SLC25A21: variants seen among roughly 807,000 people sequenced by gnomAD.
The protein encoded by SLC25A21 is solute carrier family 25 member 21, also known as mitochondrial 2-oxodicarboxylate carrier.
A neutral mutation model predicts 43.8 loss-of-function variants in SLC25A21; 47 were observed. The ratio of observed to expected loss-of-function variants is 1.07; its 90% CI spans 0.85 to 1.37. SLC25A21 has a LOEUF of 1.37. Among genes scored for constraint, SLC25A21 ranks in the 40% most tolerant of loss-of-function variants. SLC25A21 has a pLI of 0.00. For synonymous variants in SLC25A21, 131 were observed against 121.3 expected, an observed-to-expected ratio of 1.08 and a Z score of -0.52; for missense variants, 352 against 350.2, an observed-to-expected ratio of 1.00 and a Z score of -0.04.
chr14:37,067,342 A>C (rs1280681232), intron 1 of SLC25A21, among the ~76,000 whole-genome samples: 1 of 152,202 alleles, frequency 6.6e-6, no homozygotes, highest in Non-Finnish European at 1.5e-5. Context: ...CATCAGTTTG[A>C]CAGCTGACTT....
At chr14:37,030,169 T>C (rs892418288) in intron 1 of SLC25A21, among the ~76,000 whole-genome samples, 1 of 152,176 alleles carries the variant, frequency 6.6e-6, no homozygotes, top group African/African-American at 2.4e-5. Flanking sequence ...AGGAAAATCA[T>C]AAGAAAGAGA....
At chr14:36,948,523 G>C (rs953404195) in intron 1 of SLC25A21, among the ~76,000 whole-genome samples, 4 of 152,116 alleles carry the variant, frequency 2.6e-5, no homozygotes, top group Non-Finnish European at 5.9e-5. Context: ...TGAAGATAAT[G>C]AAAGTAAAAA....
intron 3 of SLC25A21, among the ~76,000 whole-genome samples, chr14:36,766,172 A>G (rs1886408934): frequency 6.6e-6 from 1 of 152,022 alleles, no homozygotes; most frequent in Non-Finnish European, 1.5e-5. Flanking sequence ...AGTTTTTCTT[A>G]TTGTGGTTGC....
chr14:37,060,477 G>C (rs10136238), intron 1 of SLC25A21, among the ~76,000 whole-genome samples: 31,891 of 150,616 alleles, frequency 0.21, 7,811 homozygotes, highest in African/African-American at 0.6. Context: ...GAATTAAAAG[G>C]AGAAGTTGAA....
chr14:36,810,582 A>G (rs1888205347), intron 3 of SLC25A21, among the ~76,000 whole-genome samples: 1 of 152,202 alleles, frequency 6.6e-6, no homozygotes, highest in Admixed American at 6.5e-5. Context: ...TGACCTCAAA[A>G]TATTTAATCA....
At chr14:37,051,066 G>T (rs1340365421) in intron 1 of SLC25A21, among the ~76,000 whole-genome samples, 3 of 152,006 alleles carry the variant, frequency 2.0e-5, no homozygotes, top group Admixed American at 6.6e-5. Context: ...AAATGACTTT[G>T]TTCATGTATT....
At chr14:36,839,981 T>C (rs1285120577) in intron 2 of SLC25A21, among the ~76,000 whole-genome samples, 1 of 152,228 alleles carries the variant, frequency 6.6e-6, no homozygotes, top group Non-Finnish European at 1.5e-5. Context: ...AAACATTGCA[T>C]GACTGTAGCT....
intron 1 of SLC25A21, among the ~76,000 whole-genome samples, chr14:37,012,773 C>A (rs1043601964): frequency 2.6e-5 from 4 of 152,202 alleles, no homozygotes; most frequent in Admixed American, 1.3e-4. Context: ...ACTTAGGACA[C>A]TCAGTGTAGA....
chr14:37,145,532 G>T (rs1963650480), intron 1 of SLC25A21, among the ~76,000 whole-genome samples: 1 of 151,254 alleles, frequency 6.6e-6, no homozygotes, highest in South Asian at 2.1e-4. Flanking sequence ...TAATAGACTA[G>T]AACAGAAAAT....
At chr14:36,977,235 C>T (rs928352036) in intron 1 of SLC25A21, among the ~76,000 whole-genome samples, 10 of 152,126 alleles carry the variant, frequency 6.6e-5, no homozygotes, top group South Asian at 2.1e-4. Flanking sequence ...TTGTAATTAT[C>T]GGGGGAAGGA....
chr14:36,714,646 C>G (rs554344457), intron 6 of SLC25A21, among the ~76,000 whole-genome samples: 7 of 152,200 alleles, frequency 4.6e-5, no homozygotes, highest in Admixed American at 4.6e-4. Flanking sequence ...CATTTGTATA[C>G]GTGATCAGGT....
intron 1 of SLC25A21, among the ~76,000 whole-genome samples, chr14:37,062,603 G>C (rs1048305787): frequency 1.3e-5 from 2 of 152,142 alleles, no homozygotes; most frequent in Admixed American, 6.5e-5. Context: ...AGTATTTGCA[G>C]GTGGCTATAC....
intron 2 of SLC25A21, among the ~76,000 whole-genome samples, chr14:36,854,551 T>A (rs756201459): frequency 6.6e-6 from 1 of 152,168 alleles, no homozygotes; most frequent in East Asian, 1.9e-4. Flanking sequence ...TTAGAAAGAT[T>A]AAAGTAGACA....
rs34700657 is a variant in SLC25A21 at position 37,133,144 on chromosome 14, C to CAA, written c.70+39136_70+39137insTT. On this transcript the variant is annotated intron_variant, in intron 1 of 9. Transcript: ENST00000331299. ...CCCCACCTTACTGTGTGCACTCGTG[C>CAA]ACACACACACACACACACACACACA... Among the ~76,000 whole-genome samples, 3 of 34,532 alleles carry CAA rather than the reference C, an allele frequency of 8.7e-5. No homozygotes were observed. In the African/African-American group the frequency reaches 1.4e-3, roughly 16 times the overall value. The allele number at this position is 34,532 out of a possible 152,430, so 22.7% of individuals were successfully genotyped here.
chr14:37,032,397 G>T (rs79149515), intron 1 of SLC25A21, among the ~76,000 whole-genome samples: 3,912 of 152,108 alleles, frequency 0.026, 169 homozygotes, highest in African/African-American at 0.089. Context: ...CTAGCCGGGC[G>T]TGGTGGCGTG....
chr14:37,131,539 A>G (rs964178420), intron 1 of SLC25A21, among the ~76,000 whole-genome samples: 3 of 152,238 alleles, frequency 2.0e-5, no homozygotes, highest in Non-Finnish European at 4.4e-5. Flanking sequence ...CAGTGAGATT[A>G]AAATGACTTG....
intron 1 of SLC25A21, among the ~76,000 whole-genome samples, chr14:37,037,478 T>C (rs1032077733): frequency 5.3e-5 from 8 of 152,232 alleles, no homozygotes; most frequent in Admixed American, 3.3e-4. Context: ...TGCTTTCATA[T>C]GGAAGAAGCC....
intron 1 of SLC25A21, among the ~76,000 whole-genome samples, chr14:37,162,103 C>T (rs1963954231): frequency 6.6e-6 from 1 of 151,990 alleles, no homozygotes; most frequent in African/African-American, 2.4e-5. Context: ...CTGGCAACTG[C>T]CAGAAGCTAG....
intron 1 of SLC25A21, among the ~76,000 whole-genome samples, chr14:37,108,704 AGTGTGTGTGT>A (rs56801840): frequency 0.04 from 5,964 of 149,158 alleles, 164 homozygotes; most frequent in East Asian, 0.11. Flanking sequence ...AGTTTTGTTA[AGTGTGTGTGT>A]GTGTGTGTGT....
Sources: allele counts gnomAD v4.1 joint callset (sites outside exome capture counted in the v4.1 genomes callset), GRCh38; gene constraint gnomAD v4.1.1; transcripts MANE v1.5; gene names NCBI Gene and HGNC (gene_info 2026-07-23, HGNC 2026-07-21).